NISCH: variants seen among roughly 807,000 people sequenced by gnomAD.
The protein encoded by NISCH is I-1 receptor candidate protein.
In NISCH, 55 loss-of-function variants were observed where a neutral mutation model predicts 138.4. That is an observed-to-expected ratio of 0.40 (90% CI 0.32 to 0.50). NISCH has a LOEUF of 0.50. Ranked by LOEUF, NISCH falls within the 20% of genes least tolerant of loss-of-function variation. NISCH has a pLI of 0.71. For synonymous variants in NISCH, 860 were observed against 861.5 expected (o/e 1.00, Z 0.03); for missense variants, 1,643 against 2,005.5 (o/e 0.82, Z 3.45).
chr3:52,467,887 A>T (rs1305485107), intron 3 of NISCH, among the ~76,000 whole-genome samples: 1 of 152,146 alleles, frequency 6.6e-6, no homozygotes, highest in African/African-American at 2.4e-5. Flanking sequence ...CAGCCTCCCA[A>T]GTAGCTGGGA....
chr3:52,470,797 A>G, intron 3 of NISCH, 62 bp from the exon 4 acceptor site: 1 of 1,353,212 alleles, frequency 7.4e-7, no homozygotes, highest in Non-Finnish European at 1.1e-6. Flanking sequence ...ATAGCGGGGA[A>G]TGTGACCCCA....
rs769889557 is a variant in NISCH, at chr3:52,484,553, C to G, written c.1569C>G (p.Leu523=). ...AGGAGGAGGCCCTGGCCAGCAGCCT[C>G]TCGTCCACTGACAGTCTGACTCCCG... is the stretch of plus-strand genomic sequence containing the variant. ...FVQEEALASS[L]SSTDSLTPEH... The change falls in exon 14 of 21, where the codon CTC becomes CTG. Residue 523 remains leucine (L), a synonymous_variant. Transcript: ENST00000345716. 2.5e-6 allele frequency: 4 copies of G among 1,613,490 alleles called. No homozygotes were observed. The highest frequency in any genetic ancestry group is 3.3e-4 in the Middle Eastern group (2 of 6,062).
chr3:52,458,904 C>G, intron 3 of NISCH, 60 bp downstream of exon 3: 1 of 1,473,918 alleles, frequency 6.8e-7, no homozygotes, highest in Admixed American at 2.1e-5. Flanking sequence ...AAACTTGAGG[C>G]AGCAAACCAG....
At chr3:52,464,061 G>T (rs1475536769) in intron 3 of NISCH, among the ~76,000 whole-genome samples, 2 of 151,780 alleles carry the variant, frequency 1.3e-5, no homozygotes, top group Admixed American at 6.6e-5. Context: ...GGCCATTTGT[G>T]TATTTTCTTT....
At chr3:52,480,080 C>A in intron 12 of NISCH, 104 bp from the exon 13 acceptor site, 1 of 1,290,976 alleles carries the variant, frequency 7.7e-7, no homozygotes, top group Non-Finnish European at 1.1e-6. Context: ...CCATCTTTAC[C>A]ACCCAGTTGG....
At chr3:52,472,554 C>T (rs913890447) in intron 6 of NISCH, among the ~76,000 whole-genome samples, 156 bp downstream of exon 6, 4 of 152,184 alleles carry the variant, frequency 2.6e-5, no homozygotes, top group Admixed American at 6.5e-5. Flanking sequence ...CCTCTGAAGG[C>T]GGAGAAAGAG....
chr3:52,486,888 T>C (rs1433317098), intron 15 of NISCH, among the ~76,000 whole-genome samples: 1 of 152,196 alleles, frequency 6.6e-6, no homozygotes. Context: ...CTGAATGACT[T>C]AGAAGTCCAT....
In NISCH at chr3:52,487,631, C is replaced by T. The variant is rs989582589; in HGVS notation, c.2139C>T (p.Cys713=). ...TCCGCATCCTCAAGGTGCTGTGGTG[C>T]TTCCTGATCCATGTGCAGGGCAGTA... ...EHIRILKVLW[C]FLIHVQGSIR... The change falls in exon 16 of 21, where the codon TGC becomes TGT. Residue 713 remains cysteine (C), a synonymous_variant. Coordinates refer to ENST00000345716, the MANE Select transcript of NISCH (RefSeq NM_007184.4). This position sits in a 1 kb window ranked among gnomAD's most constrained non-coding sequence, Gnocchi z 9.1. The T allele has an allele frequency of 5.6e-6, 9 of 1,613,802 alleles. No homozygotes were observed. The highest frequency in any genetic ancestry group is 5.5e-5 in the South Asian group (5 of 91,082).
chr3:52,471,340 C>T (rs1235291679), intron 4 of NISCH: 1 of 276,082 alleles, frequency 3.6e-6, no homozygotes, highest in African/African-American at 2.2e-5. Flanking sequence ...AGTCACCAGC[C>T]TGAGGGCACA....
At chr3:52,456,012 G>A (rs1259021401) in intron 1 of NISCH, among the ~76,000 whole-genome samples, 3 of 149,120 alleles carry the variant, frequency 2.0e-5, no homozygotes, top group Non-Finnish European at 4.5e-5. Flanking sequence ...GATAAAGGGG[G>A]CTTGGGGAGG....
chr3:52,462,055 A>T (rs1328285427), intron 3 of NISCH, among the ~76,000 whole-genome samples: 1 of 151,996 alleles, frequency 6.6e-6, no homozygotes, highest in African/African-American at 2.4e-5. Context: ...TGCTCTTTTG[A>T]AACTGGTTTG....
In NISCH at chr3:52,489,465, A is replaced by G; in HGVS notation, c.3243A>G (p.Ser1081=). The part of the protein sequence containing the change: ...PAKTPAPAEA[S]TSALVPEETP... ...AGACTCCGGCCCCAGCAGAGGCCTC[A>G]ACTTCAGCTTTGGTCCCAGAGGAGA... The change falls in exon 17 of 21, where the codon TCA becomes TCG. Residue 1081 remains serine, a synonymous_variant. Transcript: ENST00000345716. The G allele has an allele frequency of 6.2e-7, 1 of 1,604,430 alleles. No homozygotes were observed. The highest frequency in any genetic ancestry group is 8.5e-7 in the Non-Finnish European group (1 of 1,172,038).
intron 3 of NISCH, among the ~76,000 whole-genome samples, chr3:52,468,428 G>A (rs1443899305): frequency 6.6e-6 from 1 of 152,190 alleles, no homozygotes; most frequent in Non-Finnish European, 1.5e-5. Context: ...TTGGCTCCAG[G>A]CGATCTGACA....
At position 52,487,415 on chromosome 3, in the gene NISCH, G is replaced by GGAGGAGGAAGAA. The variant is rs1303791674; in HGVS notation, c.1932_1943dup (p.Glu644_Glu647dup). On this transcript the variant is annotated inframe_insertion, in exon 16 of 21. Coordinates refer to ENST00000345716, the MANE Select transcript of NISCH (RefSeq NM_007184.4). The surrounding 1 kb of genome is among the most constrained non-coding windows in gnomAD (Gnocchi z 9.1). Reference sequence around the variant, plus strand: ...GTGAACAGGGCGAGGAGGAGGATGAGGAGGAGGAAGAAGAGGAGGACGTGG... The same window carrying GGAGGAGGAAGAA: ...GTGAACAGGGCGAGGAGGAGGATGAGGAGGAGGAAGAAGAGGAGGAAGAAGAGGAGGACGTGG... 1 of 1,611,612 alleles carries GGAGGAGGAAGAA rather than the reference G, an allele frequency of 6.2e-7. No individual in the cohort carries two copies. The highest frequency in any genetic ancestry group is 8.5e-7 in the Non-Finnish European group (1 of 1,178,020).
Position 52,472,294 on chromosome 3 carries a change from T to G in NISCH, c.574-9T>G. 1 of 1,613,570 alleles carries G rather than the reference T, an allele frequency of 6.2e-7. No homozygotes were observed. Among genetic ancestry groups the G allele is most frequent in the Non-Finnish European group, 8.5e-7 (1 of 1,179,564 alleles). On this transcript the variant is annotated splice_polypyrimidine_tract_variant and intron_variant, in intron 5 of 20. Coordinates refer to ENST00000345716, the MANE Select transcript of NISCH (RefSeq NM_007184.4). ...CTGTTCCCAATTTAAGCCTTATCTT[T>G]GGCTTCAGGTTTCTGGCACAGAAGG...
intron 16 of NISCH, among the ~76,000 whole-genome samples, chr3:52,489,092 G>C (rs982042844): frequency 2.0e-5 from 3 of 152,192 alleles, no homozygotes; most frequent in African/African-American, 7.2e-5. Flanking sequence ...GTGTTGTTCA[G>C]GCTGGTCTCA....
Position 52,489,396 on chromosome 3 carries a change from C to T in NISCH, c.3174C>T (p.Val1058=), listed in dbSNP as rs761528384. The T allele has an allele frequency of 6.2e-7, 1 of 1,609,492 alleles. No individual in the cohort carries two copies. Among genetic ancestry groups the T allele is most frequent in the Non-Finnish European group, 8.5e-7 (1 of 1,176,944 alleles). Residue 1058 remains valine (V), a synonymous_variant, in exon 17 of 21, where the codon GTC becomes GTT. Transcript: ENST00000345716. The part of the protein sequence containing the change: ...AEALAPAPAE[V]PAPAPAAASA... The stretch of plus-strand genomic sequence containing the variant: ...CTCTGGCCCCGGCCCCAGCGGAAGT[C>T]CCAGCTCCAGCCCCTGCAGCAGCCT...
At chr3:52,477,270 G>T (rs1707123969) in intron 8 of NISCH, among the ~76,000 whole-genome samples, 1 of 152,212 alleles carries the variant, frequency 6.6e-6, no homozygotes, top group African/African-American at 2.4e-5. Context: ...GCTGCTCAGG[G>T]AGTGTGGGCA....
chr3:52,455,863 A>G lies in NISCH; in HGVS notation c.93+129A>G, dbSNP rs548163297. The G allele has an allele frequency of 1.2e-3, 723 of 599,122 alleles. 3 individuals are homozygous for G. The African/African-American group carries it at 0.014, about 11-fold the overall frequency. 37.1% of individuals were successfully genotyped at this position (599,122 alleles called of 1,614,324 possible). ...GGTAGAAGGGTCTGCGATTGCGAGGAGGGGGCTGGGACGGGGGATCTAGGA... is the reference window on the plus strand; with the variant it reads ...GGTAGAAGGGTCTGCGATTGCGAGGGGGGGGCTGGGACGGGGGATCTAGGA... On this transcript the variant is annotated intron_variant, in intron 1 of 20. Transcript: ENST00000345716.
Sources: allele counts gnomAD v4.1 joint callset (sites outside exome capture counted in the v4.1 genomes callset), GRCh38; gene constraint gnomAD v4.1.1; non-coding constraint Gnocchi (gnomAD v3.1); transcripts MANE v1.5; gene names NCBI Gene and HGNC (gene_info 2026-07-23, HGNC 2026-07-21).